Variants in CPPED1 observed in about 807,000 individuals in gnomAD.
CPPED1 encodes calcineurin like phosphoesterase domain containing 1.
A neutral mutation model predicts 28.0 loss-of-function variants in CPPED1; 28 were observed. The observed-to-expected ratio is 1.00, with a 90% CI of 0.74 to 1.37. CPPED1 has a LOEUF of 1.37. Ranked by LOEUF, CPPED1 falls within the 40% of genes most tolerant of loss-of-function variation. The pLI, the probability that CPPED1 is intolerant of heterozygous loss-of-function variation, is 0.00. For synonymous variants in CPPED1, 198 were observed against 180.2 expected, an observed-to-expected ratio of 1.10 and a Z score of -0.79; for missense variants, 504 against 416.5, an observed-to-expected ratio of 1.21 and a Z score of -1.83.
intron 2 of CPPED1, among the ~76,000 whole-genome samples, chr16:12,720,141 T>C (rs1299042722): frequency 1.3e-5 from 2 of 152,156 alleles, no homozygotes; most frequent in Non-Finnish European, 2.9e-5. Flanking sequence ...ACCGATCCTG[T>C]CTTCCCGAGA....
intron 2 of CPPED1, among the ~76,000 whole-genome samples, chr16:12,737,995 C>T (rs1287341014): frequency 6.6e-6 from 1 of 152,172 alleles, no homozygotes; most frequent in African/African-American, 2.4e-5. Flanking sequence ...CTGACGCCTT[C>T]CTGGGGATAA....
Position 12,670,746 on chromosome 16 carries a change from A to G in CPPED1, c.716-5631T>C, listed in dbSNP as rs1012323312. Among the ~76,000 whole-genome samples, 2 of 152,236 alleles carry G rather than the reference A, an allele frequency of 1.3e-5. No homozygotes were observed. The highest frequency in any genetic ancestry group is 2.9e-5 in the Non-Finnish European group (2 of 68,038). ...CAGCACTCCTCAAAACTGTCATCAA[A>G]AACAAGGAATGAGTGAGAAACTATC... On this transcript the variant is annotated intron_variant, in intron 3 of 3. Coordinates refer to ENST00000381774, the MANE Select transcript of CPPED1 (RefSeq NM_018340.3). The surrounding 1 kb of genome is among the most constrained non-coding windows in gnomAD (Gnocchi z 4.2).
intron 2 of CPPED1, among the ~76,000 whole-genome samples, chr16:12,742,595 A>C (rs953387427): frequency 3.3e-5 from 5 of 150,802 alleles, no homozygotes; most frequent in Non-Finnish European, 5.9e-5. Flanking sequence ...ATGACCATTT[A>C]TTGGGTGATA....
chr16:12,775,618 T>C (rs2080493308), intron 2 of CPPED1, among the ~76,000 whole-genome samples: 1 of 152,204 alleles, frequency 6.6e-6, no homozygotes, highest in South Asian at 2.1e-4. Context: ...CTTGTTAAAA[T>C]TCTGATTCAG....
chr16:12,735,628 G>T (rs1024718624), intron 2 of CPPED1, among the ~76,000 whole-genome samples: 1 of 152,160 alleles, frequency 6.6e-6, no homozygotes, highest in Non-Finnish European at 1.5e-5. Context: ...TACACTTAGT[G>T]TAACAATATG....
rs867142748 is a variant in CPPED1 at position 12,685,086 on chromosome 16, A to C, written c.715+19538T>G. Among the ~76,000 whole-genome samples the C allele has an allele frequency of 2.6e-4, 40 of 152,336 alleles. 1 individual carries two copies. Among genetic ancestry groups the C allele is most frequent in the Middle Eastern group, 3.4e-3 (1 of 294 alleles). ...GCACCGACTCTGGATCCTGTCTGTT[A>C]CTTAAATGTCAAATGACAAGCGACT... On this transcript the variant is annotated intron_variant, in intron 3 of 3. Coordinates refer to ENST00000381774, the MANE Select transcript of CPPED1 (RefSeq NM_018340.3).
chr16:12,796,823 G>A (rs186915484), intron 1 of CPPED1, among the ~76,000 whole-genome samples: 12 of 152,152 alleles, frequency 7.9e-5, no homozygotes, highest in Admixed American at 2.0e-4. Context: ...ACCCAGATGC[G>A]TGAAATGTCC....
At chr16:12,668,573 T>C (rs535020354) in intron 3 of CPPED1, among the ~76,000 whole-genome samples, 3 of 152,158 alleles carry the variant, frequency 2.0e-5, no homozygotes, top group South Asian at 2.1e-4. Context: ...TGGGCAAAAA[T>C]ATTTGCAAAT....
intron 2 of CPPED1, among the ~76,000 whole-genome samples, chr16:12,756,824 T>C (rs888548545): frequency 6.6e-5 from 10 of 152,212 alleles, no homozygotes; most frequent in African/African-American, 2.2e-4. Flanking sequence ...TGGAAGTTTA[T>C]GATACCAATT....
chr16:12,692,782 T>C (rs1185399138), intron 3 of CPPED1, among the ~76,000 whole-genome samples: 1 of 152,228 alleles, frequency 6.6e-6, no homozygotes, highest in Non-Finnish European at 1.5e-5. Context: ...GTGCCTTCAG[T>C]GGCACCATGG....
At chr16:12,772,307 T>C (rs1401960558) in intron 2 of CPPED1, among the ~76,000 whole-genome samples, 7 of 152,204 alleles carry the variant, frequency 4.6e-5, no homozygotes, top group African/African-American at 1.7e-4. Context: ...ATTTTCCTGA[T>C]AGAAAAGCCT....
chr16:12,703,768 T>A (rs1159246699), intron 3 of CPPED1, among the ~76,000 whole-genome samples: 1 of 151,106 alleles, frequency 6.6e-6, no homozygotes, highest in Non-Finnish European at 1.5e-5. Context: ...AAAACTGGAA[T>A]TTGCCAAATC....
intron 3 of CPPED1, among the ~76,000 whole-genome samples, chr16:12,700,365 G>A (rs903217647): frequency 2.6e-5 from 4 of 152,232 alleles, no homozygotes; most frequent in Non-Finnish European, 4.4e-5. Flanking sequence ...GGCACAAGTG[G>A]CTTCCCTAAG....
At chr16:12,685,353 G>C (rs990080620) in intron 3 of CPPED1, among the ~76,000 whole-genome samples, 1 of 152,184 alleles carries the variant, frequency 6.6e-6, no homozygotes, top group African/African-American at 2.4e-5. Context: ...AGGAGGCTGA[G>C]GCAAGAGAAT....
chr16:12,802,968 C>A (rs572223906), intron 1 of CPPED1, among the ~76,000 whole-genome samples: 2 of 152,332 alleles, frequency 1.3e-5, no homozygotes, highest in South Asian at 2.1e-4. Context: ...TGGCTGCAGG[C>A]AGCAAAAAGC....
At chr16:12,772,769 CT>C (rs1288456856) in intron 2 of CPPED1, among the ~76,000 whole-genome samples, 2 of 152,202 alleles carry the variant, frequency 1.3e-5, no homozygotes, top group Non-Finnish European at 2.9e-5. Flanking sequence ...AAAGTATCAA[CT>C]TTGCAGATCC....
At chr16:12,754,058 CAG>C (rs1333214190) in intron 2 of CPPED1, 1 of 152,276 alleles carries the variant, frequency 6.6e-6, no homozygotes, top group African/African-American at 2.4e-5. Context: ...GCTCTGCACG[CAG>C]AGTTTTTCAT....
At chr16:12,672,751 G>T (rs549296820) in intron 3 of CPPED1, among the ~76,000 whole-genome samples, 14 of 152,210 alleles carry the variant, frequency 9.2e-5, no homozygotes, top group African/African-American at 3.4e-4. Flanking sequence ...CGGGTGATTG[G>T]GAATGAAATC....
chr16:12,732,171 T>G (rs1567289404), intron 2 of CPPED1, among the ~76,000 whole-genome samples: 1 of 150,662 alleles, frequency 6.6e-6, no homozygotes, highest in Non-Finnish European at 1.5e-5. Context: ...ATTAGCATTC[T>G]CAGACAGAGA....
Sources: gnomAD v4.1 joint callset for allele counts (sites outside exome capture counted in the v4.1 genomes callset) on GRCh38, gnomAD v4.1.1 for gene constraint, Gnocchi (gnomAD v3.1) non-coding constraint, MANE v1.5 for transcripts, NCBI Gene and HGNC (gene_info 2026-07-23, HGNC 2026-07-21) for gene names.